TRA2A: variants seen among roughly 807,000 people sequenced by gnomAD.
The protein encoded by TRA2A is transformer-2 protein homolog alpha.
TRA2A carries 31 observed loss-of-function variants against 45.7 expected under a neutral mutation model. The observed-to-expected ratio is 0.68, with a 90% confidence interval of 0.51 to 0.92. The LOEUF (loss-of-function observed/expected upper bound fraction) is 0.92. Ranked by LOEUF, TRA2A falls within the 40% of genes least tolerant of loss-of-function variation. The probability of loss-of-function intolerance (pLI) is 0.00; values close to 1 mark genes in which losing one functional copy is unlikely to be tolerated. For missense variants in TRA2A, 304 were observed against 367.5 expected (o/e 0.83, Z 1.41); for synonymous variants, 132 against 126.2 (o/e 1.05, Z -0.31).
At chr7:23,519,160 G>A (rs772461033) in intron 2 of TRA2A, among the ~76,000 whole-genome samples, 12 of 152,252 alleles carry the variant, frequency 7.9e-5, no homozygotes, top group East Asian at 1.9e-4. Context: ...TTGGGAGGCC[G>A]AGGCAGGCAG....
intron 1 of TRA2A, among the ~76,000 whole-genome samples, chr7:23,530,995 G>C (rs1356962810): frequency 6.6e-6 from 1 of 151,730 alleles, no homozygotes; most frequent in South Asian, 2.1e-4. Flanking sequence ...TAAAAGTTGA[G>C]ATATAAAGAA....
intron 1 of TRA2A, chr7:23,531,540 G>A: frequency 1.7e-6 from 1 of 576,754 alleles, no homozygotes; most frequent in East Asian, 2.9e-5. Flanking sequence ...CAATGCGGGG[G>A]CGGGGAGGGA....
chr7:23,514,004 C>T lies in TRA2A; in HGVS notation c.337-922G>A, dbSNP rs549651468. On this transcript the variant is annotated intron_variant, in intron 3 of 7. Transcript: ENST00000297071. ...CAGTATAAGCATGTTAGGGCAAATA[C>T]TTAGGCTAAATTGTGGGAGCTAAGA... 2.6e-5 allele frequency among the ~76,000 whole-genome samples: 4 copies of T among 151,846 alleles called. 1 individual carries two copies. In the South Asian group the frequency reaches 8.3e-4, roughly 32 times the overall value.
intron 1 of TRA2A, chr7:23,522,205 T>C: frequency 8.8e-7 from 1 of 1,130,378 alleles, no homozygotes; most frequent in Non-Finnish European, 1.1e-6. Context: ...TCATTCTTCA[T>C]TGAGTTTTTC....
intron 1 of TRA2A, among the ~76,000 whole-genome samples, chr7:23,527,218 A>G (rs1584146064): frequency 6.6e-6 from 1 of 152,280 alleles, no homozygotes; most frequent in African/African-American, 2.4e-5. Flanking sequence ...TCTTCTACAT[A>G]TCAGTCAGGC....
At chr7:23,529,025 C>T (rs1790456564) in intron 1 of TRA2A, among the ~76,000 whole-genome samples, 1 of 152,228 alleles carries the variant, frequency 6.6e-6, no homozygotes, top group East Asian at 1.9e-4. Flanking sequence ...ATGAAAATTG[C>T]ACATTTTTAT....
At chr7:23,526,027 A>C (rs1170446376) in intron 1 of TRA2A, among the ~76,000 whole-genome samples, 1 of 152,248 alleles carries the variant, frequency 6.6e-6, no homozygotes, top group Non-Finnish European at 1.5e-5. Flanking sequence ...AAGCTGGTTA[A>C]GAATTGTCTT....
intron 1 of TRA2A, 89 bp downstream of exon 1, chr7:23,531,700 T>A (rs112869888): frequency 3.4e-6 from 5 of 1,475,916 alleles, no homozygotes; most frequent in African/African-American, 1.4e-5. Flanking sequence ...CTCGCGGGAC[T>A]ACCCGCAACC....
At chr7:23,517,697 A>T (rs1328820702) in intron 2 of TRA2A, among the ~76,000 whole-genome samples, 1 of 150,928 alleles carries the variant, frequency 6.6e-6, no homozygotes, top group Non-Finnish European at 1.5e-5. Flanking sequence ...GCAGATTACG[A>T]GGTCAAGAGA....
At chr7:23,513,300 T>C (rs1772923693) in intron 3 of TRA2A, among the ~76,000 whole-genome samples, 1 of 152,204 alleles carries the variant, frequency 6.6e-6, no homozygotes, top group South Asian at 2.1e-4. Context: ...GTCTATAGCC[T>C]GAATTAAAAT....
chr7:23,530,524 A>G (rs940662604), intron 1 of TRA2A, among the ~76,000 whole-genome samples: 5 of 152,210 alleles, frequency 3.3e-5, no homozygotes, highest in African/African-American at 1.2e-4. Flanking sequence ...TAGAATAAAC[A>G]TCTACACAAC....
intron 1 of TRA2A, 124 bp from the exon 2 acceptor site, chr7:23,521,964 C>A: frequency 6.9e-7 from 1 of 1,448,094 alleles, no homozygotes; most frequent in Non-Finnish European, 9.2e-7. Context: ...CAACACCCTC[C>A]AGAAAAAATT....
At chr7:23,508,275 TAAAAAAAAAAAA>T (rs67642004) in intron 4 of TRA2A, among the ~76,000 whole-genome samples, 7 of 101,542 alleles carry the variant, frequency 6.9e-5, no homozygotes, top group African/African-American at 1.2e-4. Context: ...TAAAGGTCAT[TAAAAAAAAAAAA>T]AAAAAAAAAA....
At chr7:23,508,934 T>TC (rs1789466885) in intron 4 of TRA2A, among the ~76,000 whole-genome samples, 2 of 152,188 alleles carry the variant, frequency 1.3e-5, no homozygotes, top group African/African-American at 4.8e-5. Context: ...ATAAGAGTTG[T>TC]CTCTTTGGTC....
At chr7:23,509,790 T>C (rs1393218514) in intron 4 of TRA2A, among the ~76,000 whole-genome samples, 4 of 151,926 alleles carry the variant, frequency 2.6e-5, no homozygotes, top group African/African-American at 9.7e-5. Flanking sequence ...CCTGGCACTT[T>C]GGGGAGGCCA....
intron 4 of TRA2A, among the ~76,000 whole-genome samples, chr7:23,509,336 T>C (rs983505280): frequency 1.3e-5 from 2 of 152,146 alleles, no homozygotes; most frequent in African/African-American, 4.8e-5. Context: ...GGAGCTTATA[T>C]TATTATCTTC....
intron 4 of TRA2A, among the ~76,000 whole-genome samples, chr7:23,512,410 G>A (rs886408271): frequency 6.6e-6 from 1 of 152,176 alleles, no homozygotes; most frequent in Non-Finnish European, 1.5e-5. Flanking sequence ...CTTGAGCCCA[G>A]GAGGTCGAGG....
chr7:23,530,514 T>C (rs892209862), intron 1 of TRA2A, among the ~76,000 whole-genome samples: 1 of 152,084 alleles, frequency 6.6e-6, no homozygotes, highest in Non-Finnish European at 1.5e-5. Flanking sequence ...CCCTAGTGAC[T>C]AGAATAAACA....
intron 2 of TRA2A, among the ~76,000 whole-genome samples, chr7:23,519,105 T>C (rs1291907298): frequency 6.6e-6 from 1 of 152,150 alleles, no homozygotes; most frequent in Non-Finnish European, 1.5e-5. Context: ...GTAAGACTAA[T>C]CCGACAGGCC....
Sources: allele counts gnomAD v4.1 joint callset (sites outside exome capture counted in the v4.1 genomes callset), GRCh38; gene constraint gnomAD v4.1.1; transcripts MANE v1.5; gene names NCBI Gene and HGNC (gene_info 2026-07-23, HGNC 2026-07-21).